TATDN1: variants seen among roughly 807,000 people sequenced by gnomAD.
The protein encoded by TATDN1 is TatD DNase domain containing 1, also known as deoxyribonuclease TATDN1.
A neutral mutation model predicts 46.4 loss-of-function variants in TATDN1; 40 were observed. That is an observed-to-expected ratio of 0.86 (90% CI 0.67 to 1.12). The LOEUF (loss-of-function observed/expected upper bound fraction) is 1.12. Ranked by LOEUF, TATDN1 falls within the 50% of genes most tolerant of loss-of-function variation. TATDN1 has a pLI of 0.00. For synonymous variants in TATDN1, 95 were observed against 105.6 expected (o/e 0.90, Z 0.62); for missense variants, 326 against 348.4 (o/e 0.94, Z 0.51).
In TATDN1 at chr8:124,518,809, T is replaced by C. The variant is rs373493077; in HGVS notation, c.202+9A>G. On this transcript the variant is annotated intron_variant, in intron 4 of 11. Transcript: ENST00000276692. ...CATTTTTTTTTTGGTAAAAGAAATA[T>C]GAGGATACCATTTGTTTGTGCCAAA... The C allele has an allele frequency of 1.2e-6, 2 of 1,601,704 alleles. No individual in the cohort carries two copies. Among genetic ancestry groups the C allele is most frequent in the Non-Finnish European group, 1.7e-6 (2 of 1,170,288 alleles).
intron 1 of TATDN1, among the ~76,000 whole-genome samples, chr8:124,532,516 T>C (rs1821053387): frequency 6.6e-6 from 1 of 152,196 alleles, no homozygotes; most frequent in Admixed American, 6.5e-5. Flanking sequence ...ACTCCTGACC[T>C]CAAGTGATCC....
At chr8:124,516,709 T>C (rs867605691) in intron 4 of TATDN1, among the ~76,000 whole-genome samples, 33 of 147,094 alleles carry the variant, frequency 2.2e-4, no homozygotes, top group African/African-American at 6.8e-4. Flanking sequence ...ATGTATTTAA[T>C]ATAGCAATAA....
intron 11 of TATDN1, among the ~76,000 whole-genome samples, chr8:124,490,701 G>T (rs1049381877): frequency 2.0e-5 from 3 of 151,358 alleles, no homozygotes; most frequent in African/African-American, 7.3e-5. Flanking sequence ...ATGTCCCTGA[G>T]AATTTAGTGG....
intron 9 of TATDN1, among the ~76,000 whole-genome samples, chr8:124,498,971 A>T (rs865811245): frequency 0.024 from 2,811 of 118,430 alleles, 85 homozygotes; most frequent in African/African-American, 0.081. Context: ...TTTTTTTTTT[A>T]ATTTAAGAGA....
At chr8:124,503,870 CTT>C in intron 9 of TATDN1, 1 of 1,283,350 alleles carries the variant, frequency 7.8e-7, no homozygotes, top group Non-Finnish European at 1.0e-6. Flanking sequence ...GCCTCGGTTT[CTT>C]TGACTGCAGA....
intron 1 of TATDN1, among the ~76,000 whole-genome samples, chr8:124,528,871 G>C (rs1820723154): frequency 6.6e-6 from 1 of 152,138 alleles, no homozygotes; most frequent in East Asian, 1.9e-4. Flanking sequence ...ATAGATTCTT[G>C]TTCTCTGTAA....
intron 8 of TATDN1, among the ~76,000 whole-genome samples, chr8:124,507,521 C>T (rs1418511357): frequency 6.6e-6 from 1 of 152,204 alleles, no homozygotes; most frequent in Non-Finnish European, 1.5e-5. Flanking sequence ...GTGGCTCACA[C>T]CTGTAATCCC....
intron 6 of TATDN1, 41 bp from the exon 7 acceptor site, chr8:124,508,729 A>G (rs1818738094): frequency 3.1e-6 from 4 of 1,302,102 alleles, no homozygotes. Flanking sequence ...TACAAATTGT[A>G]TTTTAGCATG....
intron 4 of TATDN1, among the ~76,000 whole-genome samples, 196 bp from the exon 5 acceptor site, chr8:124,516,226 A>T (rs1471354094): frequency 1.3e-5 from 2 of 152,206 alleles, no homozygotes; most frequent in Non-Finnish European, 2.9e-5. Flanking sequence ...GATGAATATG[A>T]AAATTGCTTT....
intron 6 of TATDN1, 31 bp from the exon 7 acceptor site, chr8:124,508,719 T>A: frequency 7.4e-7 from 1 of 1,344,774 alleles, no homozygotes; most frequent in South Asian, 1.4e-5. Context: ...AAATTCTCAT[T>A]ACAAATTGTA....
At chr8:124,508,303 G>T (rs999845603) in intron 8 of TATDN1, among the ~76,000 whole-genome samples, 171 bp downstream of exon 8, 1 of 152,112 alleles carries the variant, frequency 6.6e-6, no homozygotes, top group Non-Finnish European at 1.5e-5. Context: ...AAATAATTTT[G>T]TGCGTGAAAC....
Position 124,508,490 on chromosome 8 carries a change from C to A in TATDN1, c.500G>T (p.Arg167Leu). 1 of 1,612,884 alleles carries A rather than the reference C, an allele frequency of 6.2e-7. No homozygotes were observed. Among genetic ancestry groups the A allele is most frequent in the South Asian group, 1.1e-5 (1 of 90,986 alleles). ...TATACTTACCACTCCCCCTACACAC[C>A]GATCTCTATTTCTTTTCATTATGTC... ...FLDIMKRNRD[R>L]CVGGVVHSFD... Residue 167 changes from arginine to leucine, a missense_variant, in exon 8 of 12, where the codon CGG becomes CTG. By Grantham distance (102) the Arg-to-Leu change is moderately radical. Coordinates refer to ENST00000276692, the MANE Select transcript of TATDN1 (RefSeq NM_032026.4).
In TATDN1 at chr8:124,499,567, T is replaced by TG. The variant is rs1246855781; in HGVS notation, c.594-4026dup. Among the ~76,000 whole-genome samples the TG allele has an allele frequency of 5.9e-5, 9 of 152,228 alleles. No homozygotes were observed. The East Asian group carries it at 1.7e-3, about 29-fold the overall frequency. ...CTTCCCATTTTCTTTTTTTTTGAGATGGAGTCTCACTCTGTCGCCCAGGCT... is the reference window on the plus strand; with the variant it reads ...CTTCCCATTTTCTTTTTTTTTGAGATGGGAGTCTCACTCTGTCGCCCAGGCT... On this transcript the variant is annotated intron_variant, in intron 9 of 11. Transcript: ENST00000276692.
At chr8:124,527,216 T>G (rs940216579) in intron 1 of TATDN1, among the ~76,000 whole-genome samples, 1 of 152,234 alleles carries the variant, frequency 6.6e-6, no homozygotes, top group Non-Finnish European at 1.5e-5. Flanking sequence ...GATTCATGCG[T>G]GTATGATAAG....
intron 1 of TATDN1, among the ~76,000 whole-genome samples, chr8:124,533,651 A>C (rs1821167855): frequency 6.6e-6 from 1 of 152,084 alleles, no homozygotes; most frequent in Non-Finnish European, 1.5e-5. Context: ...TGTAGGAAAA[A>C]AGTCTGGTAT....
chr8:124,536,138 A>G (rs1185809508), intron 1 of TATDN1, among the ~76,000 whole-genome samples: 1 of 152,246 alleles, frequency 6.6e-6, no homozygotes, highest in Non-Finnish European at 1.5e-5. Flanking sequence ...TCAATGCAGT[A>G]GAGATTCTGG....
At chr8:124,523,185 T>C (rs13263130) in intron 1 of TATDN1, 183 bp from the exon 2 acceptor site, 64,613 of 580,106 alleles carry the variant, frequency 0.11, 4,279 homozygotes, top group Non-Finnish European at 0.14. Context: ...TAGGATATAA[T>C]TCCTGCTTTC....
chr8:124,503,893 T>C, intron 9 of TATDN1: 1 of 1,290,304 alleles, frequency 7.8e-7, no homozygotes, highest in South Asian at 1.2e-5. Context: ...GATGTATGAC[T>C]GTCACAGAAT....
intron 8 of TATDN1, among the ~76,000 whole-genome samples, chr8:124,506,765 G>A (rs929220336): frequency 2.0e-5 from 3 of 152,154 alleles, no homozygotes; most frequent in African/African-American, 7.2e-5. Context: ...TCTTTTGCTA[G>A]ACACAGTCAC....
Sources: gnomAD v4.1 joint callset for allele counts (sites outside exome capture counted in the v4.1 genomes callset) on GRCh38, gnomAD v4.1.1 for gene constraint, MANE v1.5 for transcripts, NCBI Gene and HGNC (gene_info 2026-07-23, HGNC 2026-07-21) for gene names.